Variants in SPG11 observed in about 807,000 individuals in gnomAD.
The protein encoded by SPG11 is spatacsin.
SPG11 carries 222 observed loss-of-function variants against 274.0 expected under a neutral mutation model. The ratio of observed to expected loss-of-function variants is 0.81; its 90% CI spans 0.73 to 0.91. The LOEUF (loss-of-function observed/expected upper bound fraction) is 0.91. SPG11 is among the 40% of genes least tolerant of loss of function. The pLI, the probability that SPG11 is intolerant of heterozygous loss-of-function variation, is 0.00. For synonymous variants in SPG11, 1,144 were observed against 1,039.7 expected (o/e 1.10, Z -1.93); for missense variants, 3,114 against 2,872.7 (o/e 1.08, Z -1.92).
At chr15:44,630,179 T>A (rs1422941441) in intron 8 of SPG11, among the ~76,000 whole-genome samples, 1 of 152,244 alleles carries the variant, frequency 6.6e-6, no homozygotes, top group Non-Finnish European at 1.5e-5. Flanking sequence ...GGATGTTGCA[T>A]CGGCAGCTGA....
In SPG11 at chr15:44,608,585, A is replaced by AT. The variant is rs753257469; in HGVS notation, c.3311dup (p.Asn1104LysfsTer2). On this transcript the variant is annotated frameshift_variant, in exon 19 of 40. Coordinates refer to ENST00000261866, the MANE Select transcript of SPG11 (RefSeq NM_025137.4). LOFTEE classifies it high-confidence loss of function. The stretch of plus-strand genomic sequence containing the variant: ...GATCCACTTTCTTCAAACAGTTTTC[A>AT]TTTTCTTCATTCTGAACAACCTAAG... The AT allele has an allele frequency of 2.7e-5, 43 of 1,613,800 alleles. No homozygotes were observed. The highest frequency in any genetic ancestry group is 3.5e-5 in the Non-Finnish European group (41 of 1,179,964).
chr15:44,570,765 G>A (rs773325375), intron 33 of SPG11, 107 bp from the exon 34 acceptor site: 32 of 1,435,072 alleles, frequency 2.2e-5, no homozygotes, highest in African/African-American at 2.8e-5. Flanking sequence ...GGGCCTGTCT[G>A]GAGAGGGCCG....
rs1216984371 is a variant in SPG11, at chr15:44,562,888, T to C, written c.*233A>G. The C allele has an allele frequency of 1.9e-6, 1 of 514,270 alleles. No individual in the cohort carries two copies. The highest frequency in any genetic ancestry group is 1.9e-5 in the African/African-American group (1 of 52,154). The allele number at this position is 514,270 out of a possible 1,614,324, so 31.9% of individuals were successfully genotyped here. A position where few individuals can be genotyped will look rare whatever the true frequency, so the allele number is the denominator to read the frequency against. ...AGGAAGAGGAAGCTTTTGATCTTAA[T>C]ACTAGTATCTATATAAAATGGTGTG... On this transcript the variant is annotated 3_prime_UTR_variant, in exon 40 of 40. Coordinates refer to ENST00000261866, the MANE Select transcript of SPG11 (RefSeq NM_025137.4).
At chr15:44,636,940 A>AAAC (rs1567180493) in intron 7 of SPG11, among the ~76,000 whole-genome samples, 1 of 116,496 alleles carries the variant, frequency 8.6e-6, no homozygotes, top group African/African-American at 3.3e-5. Flanking sequence ...AAAAAAAAAA[A>AAAC]AAAAAAAAAA....
At chr15:44,622,379 T>C in intron 12 of SPG11, 32 bp from the exon 13 acceptor site, 1 of 1,506,032 alleles carries the variant, frequency 6.6e-7, no homozygotes, top group Non-Finnish European at 9.1e-7. Flanking sequence ...GCAGTGACTT[T>C]ACAAAAAATC....
At position 44,585,702 on chromosome 15, in the gene SPG11, T is replaced by C. The variant is rs758497624; in HGVS notation, c.5055A>G (p.Gln1685=). ...SILERLQTDG[Q]FALARRVAEL... ...CTGCTACCCTCCTGGCCAAAGCGAA[T>C]TGTCCATCTGTCTGCAGTCTTTCCA... is the stretch of plus-strand genomic sequence containing the variant. Residue 1685 remains glutamine (Q), a synonymous_variant, in exon 29 of 40, where the codon CAA becomes CAG. Transcript: ENST00000261866. 8 of 1,613,804 alleles carry C rather than the reference T, an allele frequency of 5.0e-6. No individual in the cohort carries two copies. The highest frequency in any genetic ancestry group is 3.3e-5 in the Admixed American group (2 of 59,986).
chr15:44,595,549 G>A, intron 25 of SPG11, 90 bp from the exon 26 acceptor site: 2 of 1,369,482 alleles, frequency 1.5e-6, no homozygotes, highest in South Asian at 1.2e-5. Context: ...TTTAGAATAA[G>A]TCACCCAACT....
In SPG11 at chr15:44,598,363, T is replaced by TA. The variant is rs761941303; in HGVS notation, c.3902dup (p.Ser1302IlefsTer2). 6.2e-7 allele frequency: 1 copy of TA among 1,613,888 alleles called. No individual in the cohort carries two copies. Among genetic ancestry groups the TA allele is most frequent in the Non-Finnish European group, 8.5e-7 (1 of 1,179,778 alleles). On this transcript the variant is annotated frameshift_variant, in exon 23 of 40. Transcript: ENST00000261866. LOFTEE classifies it high-confidence loss of function. ...TCTTTTCACCATCAGCTAGTTTAGA[T>TA]AGTTTTTCGGCTGTAAGAAATATAA...
intron 21 of SPG11, among the ~76,000 whole-genome samples, chr15:44,599,757 G>A (rs1485144791): frequency 6.6e-6 from 1 of 152,162 alleles, no homozygotes; most frequent in Non-Finnish European, 1.5e-5. Flanking sequence ...ATATTTAGCT[G>A]TTCATTATAG....
chr15:44,655,808 T>C (rs925770359), intron 4 of SPG11, among the ~76,000 whole-genome samples: 1 of 152,152 alleles, frequency 6.6e-6, no homozygotes, highest in African/African-American at 2.4e-5. Flanking sequence ...TTTTTTCCTA[T>C]GCATACATAC....
chr15:44,587,936 A>T (rs1436125648), intron 28 of SPG11, among the ~76,000 whole-genome samples: 1 of 152,156 alleles, frequency 6.6e-6, no homozygotes, highest in East Asian at 1.9e-4. Flanking sequence ...CTATATGTTA[A>T]AAGGACTTAT....
At position 44,622,645 on chromosome 15, in the gene SPG11, G is replaced by C; in HGVS notation, c.2316+83C>G. 3 of 1,140,254 alleles carry C rather than the reference G, an allele frequency of 2.6e-6. No homozygotes were observed. In the South Asian group the frequency reaches 3.8e-5, roughly 15 times the overall value. The allele number at this position is 1,140,254 out of a possible 1,614,324, so 70.6% of individuals were successfully genotyped here. A position where few individuals can be genotyped will look rare whatever the true frequency, so the allele number is the denominator to read the frequency against. ...TTAGTTGAACATTAAAATTACTTAAGGTTTTTCTTCCAAGGTTTTCTTCCA... is the reference window on the plus strand; with the variant it reads ...TTAGTTGAACATTAAAATTACTTAACGTTTTTCTTCCAAGGTTTTCTTCCA... On this transcript the variant is annotated intron_variant, in intron 12 of 39. Transcript: ENST00000261866.
rs2083975471 is a variant in SPG11, at chr15:44,628,807, C to T, written c.1929G>A (p.Leu643=). Residue 643 remains leucine (L), a synonymous_variant, in exon 10 of 40, where the codon TTG becomes TTA. Coordinates refer to ENST00000261866, the MANE Select transcript of SPG11 (RefSeq NM_025137.4). ...DEHLQKGVNI[L]TSYINELRTF... is the part of the protein sequence containing the mutation. The stretch of plus-strand genomic sequence containing the variant: ...TTCGAAGTTCATTAATGTAGCTAGT[C>T]AAAATGTTCACTCCTTTTTGCAGAT... The T allele has an allele frequency of 1.2e-6, 2 of 1,613,374 alleles. No homozygotes were observed. Among genetic ancestry groups the T allele is most frequent in the African/African-American group, 2.7e-5 (2 of 74,908 alleles).
intron 7 of SPG11, among the ~76,000 whole-genome samples, chr15:44,647,012 A>G (rs2084630312): frequency 6.6e-6 from 1 of 152,208 alleles, no homozygotes; most frequent in Non-Finnish European, 1.5e-5. Flanking sequence ...TGAAATAACA[A>G]CCCAAAGAAC....
chr15:44,584,513 G>A lies in SPG11; in HGVS notation c.5167C>T (p.Leu1723=), dbSNP rs2082718595. Residue 1723 remains leucine (L), a synonymous_variant, in exon 30 of 40, where the codon CTA becomes TTA. Coordinates refer to ENST00000261866, the MANE Select transcript of SPG11 (RefSeq NM_025137.4). ...QTLKHIEQWS[L]KQARIDFWKK... ...CAGAAGTCAATTCTTGCTTGTTTTAGTGACCACTGTTCAATGTGTTTTAGG... is the reference window on the plus strand; with the variant it reads ...CAGAAGTCAATTCTTGCTTGTTTTAATGACCACTGTTCAATGTGTTTTAGG... 1.2e-6 allele frequency: 2 copies of A among 1,613,374 alleles called. No individual in the cohort carries two copies. Among genetic ancestry groups the A allele is most frequent in the Admixed American group, 1.7e-5 (1 of 60,018 alleles).
chr15:44,647,308 G>A (rs1430498247), intron 7 of SPG11, among the ~76,000 whole-genome samples: 2 of 152,192 alleles, frequency 1.3e-5, no homozygotes. Flanking sequence ...TGTGCAGCTA[G>A]CAGAACCCTC....
At position 44,615,390 on chromosome 15, in the gene SPG11, A is replaced by C; in HGVS notation, c.3011T>G (p.Leu1004Arg). ...LYCLEHSLQH[L>R]LYVYLDCYKL... ...GTAACAGTCAAGGTAGACATAAAGA[A>C]GATGCTGCAGACTGTGCTCCAAACA... is the stretch of plus-strand genomic sequence containing the variant. The change falls in exon 16 of 40, where the codon CTT becomes CGT. Residue 1004 changes from leucine (L) to arginine (R), a missense_variant. Leu to Arg is a moderately radical substitution (Grantham distance 102). Coordinates refer to ENST00000261866, the MANE Select transcript of SPG11 (RefSeq NM_025137.4). The C allele has an allele frequency of 3.1e-6, 5 of 1,614,002 alleles. No homozygotes were observed. Among genetic ancestry groups the C allele is most frequent in the Non-Finnish European group, 4.2e-6 (5 of 1,180,000 alleles).
At chr15:44,615,304 C>T in intron 16 of SPG11, 59 bp downstream of exon 16, 1 of 1,501,482 alleles carries the variant, frequency 6.7e-7, no homozygotes, top group East Asian at 2.3e-5. Context: ...ATTCAGGAGT[C>T]ATATGCAAAG....
chr15:44,661,617 TAA>T (rs917437879), intron 1 of SPG11, among the ~76,000 whole-genome samples: 21 of 151,760 alleles, frequency 1.4e-4, no homozygotes, highest in Admixed American at 5.9e-4. Flanking sequence ...CCTTATTAGG[TAA>T]AAAAAAGACA....
Sources: allele counts gnomAD v4.1 joint callset (sites outside exome capture counted in the v4.1 genomes callset), GRCh38; gene constraint gnomAD v4.1.1; transcripts MANE v1.5; gene names NCBI Gene and HGNC (gene_info 2026-07-23, HGNC 2026-07-21).